Variants in KYNU observed in about 807,000 individuals in gnomAD.
KYNU encodes the protein kynureninase.
KYNU carries 54 observed loss-of-function variants against 59.2 expected under a neutral mutation model. The observed-to-expected ratio is 0.91, with a 90% CI of 0.73 to 1.14. The LOEUF (loss-of-function observed/expected upper bound fraction) is 1.14. KYNU is among the 50% of genes most tolerant of loss of function. KYNU has a pLI of 0.00. For missense variants in KYNU, 567 were observed against 554.4 expected, an observed-to-expected ratio of 1.02 and a Z score of -0.23; for synonymous variants, 177 against 192.0, an observed-to-expected ratio of 0.92 and a Z score of 0.65.
At chr2:142,977,876 A>G (rs1684938452) in intron 8 of KYNU, among the ~76,000 whole-genome samples, 1 of 152,190 alleles carries the variant, frequency 6.6e-6, no homozygotes, top group Non-Finnish European at 1.5e-5. Flanking sequence ...AGTCTGCATG[A>G]AAAGCAGAAC....
In KYNU at chr2:142,885,612, T is replaced by C. The variant is rs1271434842; in HGVS notation, c.169+76T>C. The C allele has an allele frequency of 4.0e-6, 5 of 1,253,438 alleles. No homozygotes were observed. The African/African-American group carries it at 6.0e-5, about 15-fold the overall frequency. 77.6% of individuals were successfully genotyped at this position (1,253,438 alleles called of 1,614,324 possible). A position where few individuals can be genotyped will look rare whatever the true frequency, so the allele number is the denominator to read the frequency against. ...TACTGCATGTGTTTATTATAATCTT[T>C]GAAAATCATTGTTGTATTACATAAT... On this transcript the variant is annotated intron_variant, in intron 2 of 13. Coordinates refer to ENST00000264170, the MANE Select transcript of KYNU (RefSeq NM_003937.3).
chr2:142,885,442 G>A lies in KYNU; in HGVS notation c.75G>A (p.Thr25=), dbSNP rs750878181. The A allele has an allele frequency of 1.1e-5, 17 of 1,613,474 alleles. No individual in the cohort carries two copies. Among genetic ancestry groups the A allele is most frequent in the Middle Eastern group, 1.7e-4 (1 of 6,058 alleles). ...RIAAELKCHP[T]DERVALHLDE... ...CGGCTGAACTCAAATGCCACCCAAC[G>A]GATGAGAGGGTGGCTCTCCACCTAG... The change falls in exon 2 of 14, where the codon ACG becomes ACA. Residue 25 remains threonine (T), a synonymous_variant. Coordinates refer to ENST00000264170, the MANE Select transcript of KYNU (RefSeq NM_003937.3).
At chr2:142,931,384 T>G (rs1683212970) in intron 4 of KYNU, among the ~76,000 whole-genome samples, 1 of 152,194 alleles carries the variant, frequency 6.6e-6, no homozygotes, top group African/African-American at 2.4e-5. Flanking sequence ...CGGGTTGGTA[T>G]CCACATTGTC....
intron 4 of KYNU, among the ~76,000 whole-genome samples, chr2:142,953,053 T>C (rs560183343): frequency 4.6e-5 from 7 of 152,328 alleles, no homozygotes; most frequent in East Asian, 1.9e-4. Context: ...AATTGTTCTG[T>C]GGTCGACAGG....
intron 10 of KYNU, among the ~76,000 whole-genome samples, chr2:143,028,489 G>A (rs1412626299): frequency 8.8e-5 from 13 of 147,426 alleles, no homozygotes; most frequent in East Asian, 2.1e-4. Flanking sequence ...TGATCCACCC[G>A]CCTTGGCCTC....
intron 4 of KYNU, chr2:142,948,136 G>A (rs1211585169): frequency 6.6e-6 from 1 of 152,186 alleles, no homozygotes; most frequent in Non-Finnish European, 1.5e-5. Context: ...CTGCACCCTG[G>A]TCACTGCCTG....
intron 1 of KYNU, among the ~76,000 whole-genome samples, chr2:142,883,400 G>A (rs1039900569): frequency 1.3e-5 from 2 of 151,466 alleles, no homozygotes; most frequent in Middle Eastern, 3.2e-3. Context: ...GGGCTTCACC[G>A]TGTTAGCCAG....
chr2:142,960,854 CT>C, intron 8 of KYNU, 84 bp downstream of exon 8: 1 of 1,314,524 alleles, frequency 7.6e-7, no homozygotes, highest in Non-Finnish European at 1.1e-6. Flanking sequence ...TTGTGAAGTA[CT>C]TTAGCTTGTG....
chr2:142,925,139 C>A (rs141524804), intron 3 of KYNU, among the ~76,000 whole-genome samples: 1 of 152,160 alleles, frequency 6.6e-6, no homozygotes, highest in African/African-American at 2.4e-5. Flanking sequence ...ATTGTGCTAT[C>A]AGCAAAGGCC....
intron 8 of KYNU, among the ~76,000 whole-genome samples, chr2:142,978,275 G>A (rs554743839): frequency 2.4e-4 from 34 of 142,302 alleles, no homozygotes; most frequent in African/African-American, 9.2e-4. Flanking sequence ...TCTTTTTTTC[G>A]TTCATTTTCT....
At chr2:143,001,497 A>C (rs983272100) in intron 10 of KYNU, among the ~76,000 whole-genome samples, 4 of 152,332 alleles carry the variant, frequency 2.6e-5, no homozygotes, top group South Asian at 2.1e-4. Context: ...ACAAGTATCA[A>C]CTGTAGAGTT....
At chr2:142,957,432 G>A (rs2105090564) in intron 6 of KYNU, among the ~76,000 whole-genome samples, 1 of 152,114 alleles carries the variant, frequency 6.6e-6, no homozygotes, top group South Asian at 2.1e-4. Context: ...AGATCCCTCT[G>A]TTTTCATCTA....
chr2:142,878,188 C>T (rs1423935675), intron 1 of KYNU, among the ~76,000 whole-genome samples: 2 of 152,116 alleles, frequency 1.3e-5, no homozygotes, highest in South Asian at 2.1e-4. Flanking sequence ...AATGCCTACT[C>T]TTGAACAGAG....
At chr2:142,880,055 T>C (rs1681238300) in intron 1 of KYNU, among the ~76,000 whole-genome samples, 1 of 152,212 alleles carries the variant, frequency 6.6e-6, no homozygotes, top group Admixed American at 6.5e-5. Flanking sequence ...GGTGCCCTTC[T>C]AGTAATATGT....
At position 142,885,477 on chromosome 2, in the gene KYNU, A is replaced by T; in HGVS notation, c.110A>T (p.Asp37Val). The T allele has an allele frequency of 6.2e-7, 1 of 1,614,066 alleles. No individual in the cohort carries two copies. The highest frequency in any genetic ancestry group is 8.5e-7 in the Non-Finnish European group (1 of 1,179,992). ...GTGGCTCTCCACCTAGATGAGGAAG[A>T]TAAGCTGAGGCACTTCAGGGAGTGC... The part of the protein sequence containing the change: ...ERVALHLDEE[D>V]KLRHFRECFY... The change falls in exon 2 of 14, where the codon GAT becomes GTT. Residue 37 changes from aspartate (D) to valine (V), a missense_variant. Asp to Val is a radical substitution (Grantham distance 152, BLOSUM62 -3). Transcript: ENST00000264170.
rs761884192 is a variant in KYNU, at chr2:142,956,290, A to G, written c.507+16A>G. 1.3e-6 allele frequency: 2 copies of G among 1,499,020 alleles called. No homozygotes were observed. Among genetic ancestry groups the G allele is most frequent in the Non-Finnish European group, 1.9e-6 (2 of 1,076,126 alleles). 92.9% of individuals were successfully genotyped at this position (1,499,020 alleles called of 1,614,324 possible). A position where few individuals can be genotyped will look rare whatever the true frequency, so the allele number is the denominator to read the frequency against. On this transcript the variant is annotated intron_variant, in intron 6 of 13. Transcript: ENST00000264170. ...TTCTGATCATGTAAGGACTTCTTCA[A>G]ATTGTATTTATGTTCTTTCTACTCT...
intron 4 of KYNU, among the ~76,000 whole-genome samples, chr2:142,931,128 A>T (rs1573804109): frequency 6.6e-6 from 1 of 152,008 alleles, no homozygotes; most frequent in South Asian, 2.1e-4. Context: ...CCTGCTTCTG[A>T]TATCTTGCTG....
chr2:142,886,293 A>G (rs1681510883), intron 2 of KYNU, among the ~76,000 whole-genome samples: 6 of 152,218 alleles, frequency 3.9e-5, no homozygotes, highest in Admixed American at 3.9e-4. Context: ...TTCAGATTAA[A>G]TAAGGTACAA....
chr2:143,039,080 A>T (rs772831565), intron 12 of KYNU, among the ~76,000 whole-genome samples: 16 of 152,154 alleles, frequency 1.1e-4, no homozygotes, highest in Non-Finnish European at 2.2e-4. Flanking sequence ...CTTGTCACTC[A>T]TCTTAATATA....
Sources: gnomAD v4.1 joint callset for allele counts (sites outside exome capture counted in the v4.1 genomes callset) on GRCh38, gnomAD v4.1.1 for gene constraint, MANE v1.5 for transcripts, NCBI Gene and HGNC (gene_info 2026-07-23, HGNC 2026-07-21) for gene names.